Variants in LRP6 observed in about 807,000 individuals in gnomAD.
The protein encoded by LRP6 is low-density lipoprotein receptor-related protein 6.
A neutral mutation model predicts 184.1 loss-of-function variants in LRP6; 43 were observed. The observed-to-expected ratio is 0.23, with a 90% CI of 0.18 to 0.30. The LOEUF is 0.30. Among genes scored for constraint, LRP6 ranks in the 10% least tolerant of loss-of-function variants. The pLI, the probability that LRP6 is intolerant of heterozygous loss-of-function variation, is 1.00. For synonymous variants in LRP6, 719 were observed against 684.9 expected, an observed-to-expected ratio of 1.05 and a Z score of -0.78; for missense variants, 1,571 against 2,005.3, an observed-to-expected ratio of 0.78 and a Z score of 4.14.
At chr12:12,258,351 C>T (rs1865523192) in intron 1 of LRP6, among the ~76,000 whole-genome samples, 1 of 152,150 alleles carries the variant, frequency 6.6e-6, no homozygotes, top group South Asian at 2.1e-4. Context: ...ATCCTCTCGC[C>T]TTGGCCTCCT....
chr12:12,208,795 G>A (rs1287245011), intron 2 of LRP6, among the ~76,000 whole-genome samples: 1 of 152,192 alleles, frequency 6.6e-6, no homozygotes, highest in Admixed American at 6.5e-5. Context: ...AATAACCTAA[G>A]CATAGGGACA....
chr12:12,126,102 TA>T (rs904589490), intron 20 of LRP6, among the ~76,000 whole-genome samples: 2 of 152,184 alleles, frequency 1.3e-5, no homozygotes, highest in African/African-American at 4.8e-5. Context: ...GTCTTTTAAC[TA>T]AGGGCACCAG....
At chr12:12,165,391 G>A in intron 7 of LRP6, 96 bp from the exon 8 acceptor site, 5 of 857,742 alleles carry the variant, frequency 5.8e-6, no homozygotes, top group South Asian at 5.3e-5. Context: ...AAAAATCCAA[G>A]AGTCATCTTG....
At chr12:12,234,185 G>C (rs1035128104) in intron 2 of LRP6, among the ~76,000 whole-genome samples, 1 of 152,130 alleles carries the variant, frequency 6.6e-6, no homozygotes, top group Non-Finnish European at 1.5e-5. Flanking sequence ...TACTCGGGAG[G>C]CTGAGGAAGG....
At chr12:12,180,058 T>C (rs562703315) in intron 6 of LRP6, 77 bp from the exon 7 acceptor site, 8 of 1,191,572 alleles carry the variant, frequency 6.7e-6, no homozygotes, top group Non-Finnish European at 8.6e-6. Context: ...GTGAGATCCA[T>C]CCCTCCTATT....
Position 12,244,415 on chromosome 12 carries a change from C to A in LRP6, c.296G>T (p.Gly99Val). The change falls in exon 2 of 23, where the codon GGG becomes GTG. Residue 99 changes from glycine (G) to valine (V), a missense_variant. Transcript: ENST00000261349. ...TTCTCCAAGCCAATCACATGCCAGC[C>A]CATCGGGGGACAATAATCCAGAAAC... Reference protein sequence around the residue: ...VVVSGLLSPDGLACDWLGEKL... With the variant: ...VVVSGLLSPDVLACDWLGEKL... 6.2e-7 allele frequency: 1 copy of A among 1,614,186 alleles called. No homozygotes were observed. The highest frequency in any genetic ancestry group is 8.5e-7 in the Non-Finnish European group (1 of 1,180,034).
chr12:12,198,255 ATAGTTGTTCT>A (rs1450919500), intron 3 of LRP6, among the ~76,000 whole-genome samples: 1 of 152,102 alleles, frequency 6.6e-6, no homozygotes, highest in Non-Finnish European at 1.5e-5. Context: ...ATAGTTGTTC[ATAGTTGTTCT>A]ATTCCCTTGC....
rs1186703714 is a variant in LRP6, at chr12:12,159,871, C to T, written c.2373G>A (p.Gly791=). Residue 791 remains glycine, a synonymous_variant, in exon 11 of 23, where the codon GGG becomes GGA. Coordinates refer to ENST00000261349, the MANE Select transcript of LRP6 (RefSeq NM_002336.3). ...SERTTLVPNV[G]RANGLTIDYA... ...AATCAATAGTTAGGCCGTTTGCCCG[C>T]CCCACATTTGGAACTAAGGTAGTAC... The T allele has an allele frequency of 6.2e-7, 1 of 1,613,972 alleles. No homozygotes were observed. Among genetic ancestry groups the T allele is most frequent in the Non-Finnish European group, 8.5e-7 (1 of 1,179,998 alleles).
intron 3 of LRP6, among the ~76,000 whole-genome samples, chr12:12,191,040 GAAAC>G (rs1387012665): frequency 6.6e-6 from 1 of 152,168 alleles, no homozygotes; most frequent in Non-Finnish European, 1.5e-5. Context: ...ATATGAGAAA[GAAAC>G]AATAGGACAT....
intron 1 of LRP6, among the ~76,000 whole-genome samples, chr12:12,262,498 C>T (rs1865640809): frequency 6.7e-6 from 1 of 150,044 alleles, no homozygotes; most frequent in Non-Finnish European, 1.5e-5. Flanking sequence ...GCAGAGATTG[C>T]AGTGAGCCAA....
At chr12:12,255,597 G>T (rs1264181404) in intron 1 of LRP6, among the ~76,000 whole-genome samples, 1 of 132,264 alleles carries the variant, frequency 7.6e-6, no homozygotes, top group African/African-American at 3.0e-5. Context: ...TTGAGACAGA[G>T]TCTCACTCTG....
chr12:12,239,386 G>T (rs1398473273), intron 2 of LRP6, among the ~76,000 whole-genome samples: 1 of 152,202 alleles, frequency 6.6e-6, no homozygotes, highest in African/African-American at 2.4e-5. Flanking sequence ...ATGGAGGAAG[G>T]AAAGGCACGG....
rs1236264226 is a variant in LRP6, at chr12:12,119,128, G to C, written c.*1998C>G. On this transcript the variant is annotated 3_prime_UTR_variant, in exon 23 of 23. Transcript: ENST00000261349. ...GCTTGTCTGTTTTAGGATTCTGATA[G>C]ATTTACCATTTGCTTATATGCAAAA... 1 of 152,166 alleles carries C rather than the reference G, an allele frequency of 6.6e-6. No individual in the cohort carries two copies. The highest frequency in any genetic ancestry group is 1.5e-5 in the Non-Finnish European group (1 of 68,034). 9.4% of individuals were successfully genotyped at this position (152,166 alleles called of 1,614,324 possible).
intron 7 of LRP6, among the ~76,000 whole-genome samples, chr12:12,175,685 C>A (rs957169016): frequency 1.4e-5 from 2 of 141,468 alleles, no homozygotes; most frequent in African/African-American, 5.3e-5. Flanking sequence ...AGCGAGACTC[C>A]GTCTCAAATA....
At chr12:12,161,026 T>G (rs1862729504) in intron 10 of LRP6, among the ~76,000 whole-genome samples, 1 of 152,232 alleles carries the variant, frequency 6.6e-6, no homozygotes. Context: ...TTGACAGGCA[T>G]GTGCACACCA....
At chr12:12,144,584 C>A (rs1459078588) in intron 15 of LRP6, among the ~76,000 whole-genome samples, 1 of 152,150 alleles carries the variant, frequency 6.6e-6, no homozygotes, top group African/African-American at 2.4e-5. Flanking sequence ...GAGGCTGCAG[C>A]AAGCTATAAT....
chr12:12,198,153 G>T (rs1193325688), intron 3 of LRP6, among the ~76,000 whole-genome samples: 1 of 152,182 alleles, frequency 6.6e-6, no homozygotes, highest in Non-Finnish European at 1.5e-5. Context: ...CTGACTTCAG[G>T]CGATCCACCC....
chr12:12,244,126 C>T (rs778808738), intron 2 of LRP6, 136 bp downstream of exon 2: 10 of 860,106 alleles, frequency 1.2e-5, no homozygotes, highest in Non-Finnish European at 1.5e-5. Context: ...TTCAAGTCTA[C>T]TCAACAAAGA....
chr12:12,126,942 T>C lies in LRP6; in HGVS notation c.4082-21A>G, dbSNP rs1163763440. 6 of 1,586,122 alleles carry C rather than the reference T, an allele frequency of 3.8e-6. No individual in the cohort carries two copies. The African/African-American group carries it at 5.4e-5, about 14-fold the overall frequency. ...CGGATCTACAATGAAGAATGCAGTATGGTTATTTAATAGAAAAACAACTGT... is the reference window on the plus strand; with the variant it reads ...CGGATCTACAATGAAGAATGCAGTACGGTTATTTAATAGAAAAACAACTGT... On this transcript the variant is annotated intron_variant, in intron 19 of 22. Coordinates refer to ENST00000261349, the MANE Select transcript of LRP6 (RefSeq NM_002336.3).
Sources: allele counts gnomAD v4.1 joint callset (sites outside exome capture counted in the v4.1 genomes callset), GRCh38; gene constraint gnomAD v4.1.1; transcripts MANE v1.5; gene names NCBI Gene and HGNC (gene_info 2026-07-23, HGNC 2026-07-21).